CSMD1: variants seen among roughly 807,000 people sequenced by gnomAD.
The protein encoded by CSMD1 is CUB and sushi domain-containing protein 1.
A neutral mutation model predicts 417.5 loss-of-function variants in CSMD1; 213 were observed. That is an observed-to-expected ratio of 0.51 (90% CI 0.46 to 0.57). The LOEUF (loss-of-function observed/expected upper bound fraction) is 0.57, where lower values mean the gene tolerates loss of function less well. Among genes scored for constraint, CSMD1 ranks in the 20% least tolerant of loss-of-function variants. The pLI is 0.00. For synonymous variants in CSMD1, 2,862 were observed against 1,736.8 expected (o/e 1.65, Z -16.11); for missense variants, 6,923 against 4,529.7 (o/e 1.53, Z -15.17).
chr8:4,280,618 T>G (rs1796728725), intron 3 of CSMD1, among the ~76,000 whole-genome samples: 1 of 152,218 alleles, frequency 6.6e-6, no homozygotes, highest in African/African-American at 2.4e-5. Context: ...AAACCTATGT[T>G]GATAATAACT....
chr8:4,832,762 C>G (rs1800229029), intron 1 of CSMD1, among the ~76,000 whole-genome samples: 3 of 152,128 alleles, frequency 2.0e-5, no homozygotes, highest in Admixed American at 6.5e-5. Flanking sequence ...TGGATCAACT[C>G]TTAGAACCAT....
intron 3 of CSMD1, among the ~76,000 whole-genome samples, chr8:4,290,030 G>A (rs114235544): frequency 2.7e-3 from 408 of 152,298 alleles, no homozygotes; most frequent in African/African-American, 9.0e-3. Flanking sequence ...CACTGCAACT[G>A]TTAAGGTTTA....
At chr8:3,915,495 T>A (rs1469342831) in intron 5 of CSMD1, among the ~76,000 whole-genome samples, 1 of 150,918 alleles carries the variant, frequency 6.6e-6, no homozygotes, top group East Asian at 2.0e-4. Flanking sequence ...AAGGATGACA[T>A]GAAACAGGAC....
chr8:3,270,288 C>T (rs1364017228), intron 26 of CSMD1, among the ~76,000 whole-genome samples: 1 of 152,026 alleles, frequency 6.6e-6, no homozygotes, highest in African/African-American at 2.4e-5. Context: ...GAACTCCTGA[C>T]CTTGTGATCC....
At chr8:3,105,349 G>A (rs1816060830) in intron 46 of CSMD1, among the ~76,000 whole-genome samples, 1 of 152,166 alleles carries the variant, frequency 6.6e-6, no homozygotes, top group African/African-American at 2.4e-5. Context: ...CCTTGAAAGA[G>A]CCACAATGCT....
intron 3 of CSMD1, among the ~76,000 whole-genome samples, chr8:4,235,489 C>G (rs1475225657): frequency 2.6e-5 from 4 of 152,032 alleles, no homozygotes; most frequent in Non-Finnish European, 5.9e-5. Context: ...AATTCACATG[C>G]TTTTTAGAAA....
chr8:4,741,980 C>G (rs189453143), intron 1 of CSMD1, among the ~76,000 whole-genome samples: 1 of 130,712 alleles, frequency 7.7e-6, no homozygotes, highest in African/African-American at 2.9e-5. Context: ...ACTATAGGTC[C>G]GCACGCACCA....
intron 5 of CSMD1, among the ~76,000 whole-genome samples, chr8:3,910,643 A>G (rs1808402849): frequency 6.6e-6 from 1 of 152,230 alleles, no homozygotes; most frequent in African/African-American, 2.4e-5. Flanking sequence ...TGTGCTTAAT[A>G]AGAAAACAGA....
intron 5 of CSMD1, among the ~76,000 whole-genome samples, chr8:3,956,585 T>C (rs1311158078): frequency 6.6e-6 from 1 of 152,232 alleles, no homozygotes; most frequent in African/African-American, 2.4e-5. Flanking sequence ...CTGTGCCCCA[T>C]GTTTTGCATA....
intron 3 of CSMD1, among the ~76,000 whole-genome samples, chr8:4,269,164 G>C (rs570848539): frequency 6.6e-6 from 1 of 152,096 alleles, no homozygotes; most frequent in Admixed American, 6.5e-5. Context: ...TTAAACCATG[G>C]TCCTGCCTCA....
intron 6 of CSMD1, among the ~76,000 whole-genome samples, chr8:3,724,886 G>A (rs952571519): frequency 6.6e-5 from 10 of 152,136 alleles, no homozygotes; most frequent in Non-Finnish European, 1.3e-4. Flanking sequence ...GACTATTGTC[G>A]CTATTAGATC....
intron 5 of CSMD1, among the ~76,000 whole-genome samples, chr8:3,789,100 TG>T (rs1212653338): frequency 6.6e-6 from 1 of 152,090 alleles, no homozygotes; most frequent in Non-Finnish European, 1.5e-5. Context: ...GGGGATTAGG[TG>T]GTACAGCCTT....
At chr8:4,573,074 G>C (rs932222426) in intron 2 of CSMD1, among the ~76,000 whole-genome samples, 53 of 152,120 alleles carry the variant, frequency 3.5e-4, no homozygotes, top group Non-Finnish European at 2.4e-4. Flanking sequence ...CGCTCCTTTA[G>C]CTCAGAGGAG....
At chr8:3,981,492 GAAAAAAGT>G (rs1813860091) in intron 5 of CSMD1, among the ~76,000 whole-genome samples, 1 of 41,068 alleles carries the variant, frequency 2.4e-5, no homozygotes, top group African/African-American at 9.4e-5. Flanking sequence ...ATAACTTATA[GAAAAAAGT>G]AAAAAAAAAA....
chr8:4,399,229 G>T (rs549135662), intron 3 of CSMD1, among the ~76,000 whole-genome samples: 8 of 152,270 alleles, frequency 5.3e-5, no homozygotes, highest in African/African-American at 1.7e-4. Flanking sequence ...ATGACAAACC[G>T]TATTTCCCCT....
intron 18 of CSMD1, among the ~76,000 whole-genome samples, chr8:3,379,062 T>C (rs1810479693): frequency 6.6e-6 from 1 of 152,140 alleles, no homozygotes; most frequent in South Asian, 2.1e-4. Flanking sequence ...CAGGATACAA[T>C]ATCAATGTGC....
intron 2 of CSMD1, among the ~76,000 whole-genome samples, chr8:4,615,430 C>T (rs996027521): frequency 6.6e-6 from 1 of 152,056 alleles, no homozygotes. Context: ...AAAGTACAAC[C>T]GTTATTTAGA....
intron 1 of CSMD1, among the ~76,000 whole-genome samples, chr8:4,936,511 A>T (rs186660230): frequency 4.3e-4 from 65 of 152,332 alleles, no homozygotes; most frequent in Non-Finnish European, 8.2e-4. Context: ...TTACACTTCT[A>T]TTGGATGGAT....
At chr8:3,278,142 G>A (rs1486746657) in intron 26 of CSMD1, among the ~76,000 whole-genome samples, 1 of 152,136 alleles carries the variant, frequency 6.6e-6, no homozygotes, top group Non-Finnish European at 1.5e-5. Flanking sequence ...TTGGAATAAG[G>A]AGGAACAAGA....
Sources: allele counts gnomAD v4.1 joint callset (sites outside exome capture counted in the v4.1 genomes callset), GRCh38; gene constraint gnomAD v4.1.1; transcripts MANE v1.5; gene names NCBI Gene and HGNC (gene_info 2026-07-23, HGNC 2026-07-21).